FAS: variants seen among roughly 807,000 people sequenced by gnomAD.
FAS encodes the protein tumor necrosis factor receptor superfamily member 6.
In FAS, 5 loss-of-function variants were observed where a neutral mutation model predicts 33.2. That is an observed-to-expected ratio of 0.15 (90% CI 0.08 to 0.32). The LOEUF (loss-of-function observed/expected upper bound fraction) is 0.32, where lower values mean the gene tolerates loss of function less well. FAS is among the 10% of genes least tolerant of loss of function. The probability of loss-of-function intolerance (pLI) is 1.00; values close to 1 mark genes in which losing one functional copy is unlikely to be tolerated. For synonymous variants in FAS, 131 were observed against 130.7 expected (o/e 1.00, Z -0.01); for missense variants, 339 against 386.0 (o/e 0.88, Z 1.02).
intron 2 of FAS, among the ~76,000 whole-genome samples, chr10:88,975,381 T>G (rs1846539111): frequency 6.6e-6 from 1 of 152,238 alleles, no homozygotes; most frequent in African/African-American, 2.4e-5. Flanking sequence ...ACAATAGTAC[T>G]GTCATACTTT....
rs536931538 is a variant in FAS, at chr10:89,017,008, C to G, written c.*2558C>G. On this transcript the variant is annotated 3_prime_UTR_variant, in exon 9 of 9. Coordinates refer to ENST00000652046, the MANE Select transcript of FAS (RefSeq NM_000043.6). ...TTTGGGTTTAGAATTCTATACAAGG[C>G]CATTTGTAATTTTCCTCAGCACTTT... is the stretch of plus-strand genomic sequence containing the variant. 5.0e-5 allele frequency: 9 copies of G among 180,950 alleles called. No individual in the cohort carries two copies. The highest frequency in any genetic ancestry group is 2.1e-4 in the African/African-American group (9 of 42,488). 11.2% of individuals were successfully genotyped at this position (180,950 alleles called of 1,614,324 possible).
At chr10:88,998,131 G>A (rs1005994623) in intron 1 of FAS, among the ~76,000 whole-genome samples, 1 of 152,078 alleles carries the variant, frequency 6.6e-6, no homozygotes, top group African/African-American at 2.4e-5. Context: ...CTACAGTTTT[G>A]GGGGCTAGAA....
At chr10:89,007,647 C>T (rs1839599086) in intron 2 of FAS, 53 bp from the exon 3 acceptor site, 1 of 1,608,594 alleles carries the variant, frequency 6.2e-7, no homozygotes, top group Non-Finnish European at 8.5e-7. Flanking sequence ...AGTTCCCACC[C>T]TGTTACCTGC....
chr10:89,014,047 A>C, intron 8 of FAS, 72 bp from the exon 9 acceptor site: 1 of 1,479,044 alleles, frequency 6.8e-7, no homozygotes, highest in South Asian at 1.2e-5. Context: ...TAAAAAGAGA[A>C]ATAAACATGG....
upstream of FAS, among the ~76,000 whole-genome samples, chr10:88,988,049 G>A (rs1306087634): frequency 6.6e-6 from 1 of 152,120 alleles, no homozygotes; most frequent in Non-Finnish European, 1.5e-5. Flanking sequence ...CCAGCCTGTT[G>A]GCCAATGCTA....
intron 2 of FAS, among the ~76,000 whole-genome samples, chr10:88,975,642 ATT>A (rs564584574): frequency 6.7e-6 from 1 of 148,776 alleles, no homozygotes; most frequent in East Asian, 1.9e-4. Context: ...TGAGAGTAGG[ATT>A]TTTTTTTTTC....
At chr10:88,999,193 A>C (rs975281159) in intron 1 of FAS, among the ~76,000 whole-genome samples, 6 of 38,600 alleles carry the variant, frequency 1.6e-4, no homozygotes, top group African/African-American at 3.5e-4. Flanking sequence ...AAAATAAAAT[A>C]AAATCTCACT....
intron 4 of FAS, among the ~76,000 whole-genome samples, chr10:89,009,452 G>A (rs1405889872): frequency 2.0e-5 from 3 of 152,236 alleles, no homozygotes; most frequent in Non-Finnish European, 2.9e-5. Context: ...TGGATGGAAT[G>A]CACATTATAG....
chr10:89,006,401 TGTA>T lies in FAS; in HGVS notation c.197-1295_197-1293del, dbSNP rs1241405487. Among the ~76,000 whole-genome samples, 4 of 152,232 alleles carry T rather than the reference TGTA, an allele frequency of 2.6e-5. No individual in the cohort carries two copies. The South Asian group carries it at 6.2e-4, about 24-fold the overall frequency. ...ATATTTACATGTCATAATTTGCTCA[TGTA>T]GTAAATATTTTGTTTTATCAAAAAG... On this transcript the variant is annotated intron_variant, in intron 2 of 8. Transcript: ENST00000652046.
At chr10:88,996,573 T>C (rs1847606811) in intron 1 of FAS, among the ~76,000 whole-genome samples, 1 of 152,052 alleles carries the variant, frequency 6.6e-6, no homozygotes, top group Non-Finnish European at 1.5e-5. Flanking sequence ...TACTTGAAAA[T>C]TACTAAGAGT....
intron 1 of FAS, among the ~76,000 whole-genome samples, chr10:88,972,430 T>C (rs1846468221): frequency 6.6e-6 from 1 of 152,242 alleles, no homozygotes; most frequent in African/African-American, 2.4e-5. Flanking sequence ...TTTTAGTCTG[T>C]TAATATTTAA....
intron 6 of FAS, among the ~76,000 whole-genome samples, chr10:89,011,399 A>G (rs936477298): frequency 6.6e-6 from 1 of 152,240 alleles, no homozygotes; most frequent in African/African-American, 2.4e-5. Flanking sequence ...AACTTTCAGT[A>G]ACTTAGAAGT....
chr10:88,975,493 G>A (rs570404325), intron 2 of FAS, among the ~76,000 whole-genome samples: 9 of 152,182 alleles, frequency 5.9e-5, no homozygotes, highest in East Asian at 3.9e-4. Context: ...TCTCCAATAC[G>A]TAAAGAATCA....
At chr10:88,965,022 G>A (rs575815566) in intron 1 of FAS, among the ~76,000 whole-genome samples, 255 of 152,178 alleles carry the variant, frequency 1.7e-3, no homozygotes, top group Non-Finnish European at 2.9e-3. Context: ...TTCCAGAGCC[G>A]GGGATAGCTT....
upstream of FAS, among the ~76,000 whole-genome samples, chr10:88,990,164 G>GC (rs1260188723): frequency 6.6e-6 from 1 of 152,136 alleles, no homozygotes; most frequent in Admixed American, 6.5e-5. This position sits in a 1 kb window ranked among gnomAD's most constrained non-coding sequence, Gnocchi z 4.9. Context: ...GCCCTATGGC[G>GC]CAACATCTGT....
chr10:89,004,035 A>G (rs1294410956), intron 2 of FAS, among the ~76,000 whole-genome samples: 1 of 152,164 alleles, frequency 6.6e-6, no homozygotes, highest in East Asian at 1.9e-4. Context: ...TCTCCCCTAT[A>G]ACCCAACCCA....
At chr10:88,988,416 G>GTT (rs748275082), upstream of FAS, among the ~76,000 whole-genome samples, 6 of 12,476 alleles carry the variant, frequency 4.8e-4, no homozygotes, top group African/African-American at 2.3e-3. Flanking sequence ...AGATGTAGAA[G>GTT]TTTTTTTTTT....
chr10:88,998,917 A>G (rs753569847), intron 1 of FAS, among the ~76,000 whole-genome samples: 1 of 152,120 alleles, frequency 6.6e-6, no homozygotes, highest in Non-Finnish European at 1.5e-5. Flanking sequence ...ACACTTTGGG[A>G]GGCCGAGGCA....
intron 1 of FAS, among the ~76,000 whole-genome samples, chr10:89,002,075 C>T (rs1447247852): frequency 2.0e-5 from 3 of 152,144 alleles, no homozygotes; most frequent in African/African-American, 4.8e-5. Context: ...TGGTTCTTAG[C>T]GAATTCTTGC....
Sources: allele counts gnomAD v4.1 joint callset (sites outside exome capture counted in the v4.1 genomes callset), GRCh38; gene constraint gnomAD v4.1.1; non-coding constraint Gnocchi (gnomAD v3.1); transcripts MANE v1.5; gene names NCBI Gene and HGNC (gene_info 2026-07-23, HGNC 2026-07-21).